EPG5: variants seen among roughly 807,000 people sequenced by gnomAD.
The protein encoded by EPG5 is ectopic P-granules 5 autophagy tethering factor.
EPG5 carries 159 observed loss-of-function variants against 302.7 expected under a neutral mutation model. The ratio of observed to expected loss-of-function variants is 0.53; its 90% confidence interval spans 0.46 to 0.60. The LOEUF is 0.60. Among genes scored for constraint, EPG5 ranks in the 20% least tolerant of loss-of-function variants. The pLI is 0.00. For synonymous variants in EPG5, 1,158 were observed against 1,136.8 expected, an observed-to-expected ratio of 1.02 and a Z score of -0.37; for missense variants, 2,896 against 3,092.4, an observed-to-expected ratio of 0.94 and a Z score of 1.51.
chr18:45,902,535 T>C (rs1393550814), intron 25 of EPG5, among the ~76,000 whole-genome samples: 1 of 152,246 alleles, frequency 6.6e-6, no homozygotes, highest in African/African-American at 2.4e-5. Flanking sequence ...ATCACCACTC[T>C]GGACCACAAC....
intron 1 of EPG5, among the ~76,000 whole-genome samples, chr18:45,958,871 T>C (rs1486622804): frequency 6.6e-6 from 1 of 152,188 alleles, no homozygotes; most frequent in African/African-American, 2.4e-5. Context: ...TGGCACCAGT[T>C]GATCAATAAA....
chr18:45,907,920 TAAAAAAAAAA>T, intron 24 of EPG5, 28 bp downstream of exon 24: 3 of 1,343,654 alleles, frequency 2.2e-6, no homozygotes, highest in South Asian at 3.2e-5. Context: ...TCAGATATGC[TAAAAAAAAAA>T]AAAAAAAAAG....
intron 26 of EPG5, among the ~76,000 whole-genome samples, chr18:45,900,386 C>CA (rs1372762027): frequency 1.5e-5 from 2 of 130,514 alleles, no homozygotes; most frequent in African/African-American, 5.7e-5. Flanking sequence ...GCCTGGGCGA[C>CA]ACAGCAAGAC....
Position 45,882,396 on chromosome 18 carries a change from C to CA in EPG5, c.5395dup (p.Trp1799LeufsTer4). The CA allele has an allele frequency of 6.2e-7, 1 of 1,614,172 alleles. No homozygotes were observed. The highest frequency in any genetic ancestry group is 8.5e-7 in the Non-Finnish European group (1 of 1,180,030). ...AATATCCTCATCTGGTTCAAGGCCC[C>CA]AGGCAGTAAGTGCCAAGTGAATGGA... On this transcript the variant is annotated frameshift_variant, in exon 31 of 44. Transcript: ENST00000282041. LOFTEE classifies it high-confidence loss of function.
intron 28 of EPG5, 74 bp downstream of exon 28, chr18:45,889,724 G>A (rs765608224): frequency 8.2e-5 from 111 of 1,353,522 alleles, no homozygotes; most frequent in Non-Finnish European, 1.1e-4. Flanking sequence ...GGGTGGTGGT[G>A]GTATAGTAGC....
At chr18:45,801,311 C>T in the EPG5 span, among the ~76,000 whole-genome samples, 1 of 152,200 alleles carries the variant, frequency 6.6e-6, no homozygotes, top group African/African-American at 2.4e-5. Context: ...GCTAGGATTA[C>T]AGGCGTGAGC....
At chr18:45,801,613 C>T in the EPG5 span, among the ~76,000 whole-genome samples, 7 of 152,200 alleles carry the variant, frequency 4.6e-5, no homozygotes, top group Non-Finnish European at 1.0e-4. Flanking sequence ...AACACACCCT[C>T]TTGTCATTCC....
chr18:45,865,796 T>C (rs763460062), intron 38 of EPG5, 37 bp from the exon 39 acceptor site: 1 of 1,587,824 alleles, frequency 6.3e-7, no homozygotes, highest in South Asian at 1.1e-5. Context: ...TTCAAATGAA[T>C]CCAAGCAAGG....
At chr18:45,944,867 T>A (rs1168040637) in intron 7 of EPG5, among the ~76,000 whole-genome samples, 1 of 152,206 alleles carries the variant, frequency 6.6e-6, no homozygotes, top group East Asian at 1.9e-4. Flanking sequence ...GCAATTGACA[T>A]TTGCTATAGG....
At chr18:45,900,818 G>A (rs533923035) in intron 26 of EPG5, among the ~76,000 whole-genome samples, 178 bp downstream of exon 26, 9 of 152,258 alleles carry the variant, frequency 5.9e-5, no homozygotes, top group African/African-American at 1.7e-4. Context: ...ACATAATTTC[G>A]ATGTGAAATT....
rs1287428062 is a variant in EPG5, at chr18:45,852,440, T to C, written c.*27A>G. On this transcript the variant is annotated 3_prime_UTR_variant, in exon 44 of 44. Transcript: ENST00000282041. Reference sequence around the variant, plus strand: ...AGTTAAATGTAAACATAAACAGCAATGGGTTTTTCAAGAGCCTCAGTGTTA... The same window carrying C: ...AGTTAAATGTAAACATAAACAGCAACGGGTTTTTCAAGAGCCTCAGTGTTA... The C allele has an allele frequency of 6.3e-7, 1 of 1,594,072 alleles. No homozygotes were observed. The highest frequency in any genetic ancestry group is 8.5e-7 in the Non-Finnish European group (1 of 1,170,078).
At chr18:45,909,298 G>A (rs1218978405) in intron 23 of EPG5, among the ~76,000 whole-genome samples, 1 of 152,198 alleles carries the variant, frequency 6.6e-6, no homozygotes, top group Non-Finnish European at 1.5e-5. Flanking sequence ...AACAGAGGCA[G>A]AAAGGAATAT....
At chr18:45,829,053 A>C in the EPG5 span, 60 of 980,560 alleles carry the variant, frequency 6.1e-5, no homozygotes, top group Non-Finnish European at 6.9e-5. Context: ...AGGGATCACT[A>C]TGGAGGCTGG....
chr18:45,887,556 T>C (rs1236876724), intron 29 of EPG5, among the ~76,000 whole-genome samples, 195 bp downstream of exon 29: 1 of 152,240 alleles, frequency 6.6e-6, no homozygotes, highest in African/African-American at 2.4e-5. Context: ...ATAATCTCCC[T>C]TGTATGAGAA....
intron 1 of EPG5, among the ~76,000 whole-genome samples, chr18:45,965,430 T>A (rs988897721): frequency 6.6e-6 from 1 of 152,068 alleles, no homozygotes; most frequent in African/African-American, 2.4e-5. Flanking sequence ...AACCTCCACT[T>A]GTACCCTCTA....
At chr18:45,815,002 C>CCTCAGAGGTGAGTG in the EPG5 span, among the ~76,000 whole-genome samples, 1 of 152,190 alleles carries the variant, frequency 6.6e-6, no homozygotes, top group Non-Finnish European at 1.5e-5. Flanking sequence ...CTGACCATGG[C>CCTCAGAGGTGAGTG]CTCAGAGGTG....
chr18:45,837,909 G>A, the EPG5 span: 1 of 1,487,912 alleles, frequency 6.7e-7, no homozygotes, highest in African/African-American at 1.5e-5. Flanking sequence ...GAGGCGGCGT[G>A]GGAGCGGGTC....
intron 19 of EPG5, 98 bp downstream of exon 19, chr18:45,915,911 A>G: frequency 9.1e-7 from 1 of 1,103,894 alleles, no homozygotes; most frequent in Middle Eastern, 3.0e-4. Context: ...GGTAATGGCC[A>G]CAGAGTAGAA....
chr18:45,882,415 G>T lies in EPG5; in HGVS notation c.5377C>A (p.His1793Asn). The T allele has an allele frequency of 6.2e-7, 1 of 1,614,160 alleles. No individual in the cohort carries two copies. The highest frequency in any genetic ancestry group is 8.5e-7 in the Non-Finnish European group (1 of 1,180,028). Residue 1793 changes from histidine (H) to asparagine (N), a missense_variant, in exon 31 of 44, where the codon CAC becomes AAC. By Grantham distance (68) the His-to-Asn change is moderately conservative. Around this residue, in one of 5 missense-constraint regions of EPG5, gnomAD observed 790 missense variants for 798.0 expected, o/e 0.99. Coordinates refer to ENST00000282041, the MANE Select transcript of EPG5 (RefSeq NM_020964.3). ...SDRTRLLESIHLALTAWGLEP... is the reference protein window; with the variant it reads ...SDRTRLLESINLALTAWGLEP... ...AGGCCCCAGGCAGTAAGTGCCAAGTGAATGGACTCCAGAAGCCTGGTACGA... is the reference window on the plus strand; with the variant it reads ...AGGCCCCAGGCAGTAAGTGCCAAGTTAATGGACTCCAGAAGCCTGGTACGA...
Sources: allele counts gnomAD v4.1 joint callset (sites outside exome capture counted in the v4.1 genomes callset), GRCh38; gene constraint gnomAD v4.1.1; regional missense constraint gnomAD v4.1.1; transcripts MANE v1.5; gene names NCBI Gene and HGNC (gene_info 2026-07-23, HGNC 2026-07-21).